B4GALT6: variants seen among roughly 807,000 people sequenced by gnomAD.
B4GALT6 encodes UDP-Gal:beta-GlcNAc beta-1,4-galactosyltransferase 6.
In B4GALT6, 14 loss-of-function variants were observed where a neutral mutation model predicts 46.3. The ratio of observed to expected loss-of-function variants is 0.30; its 90% confidence interval spans 0.20 to 0.47. B4GALT6 has a LOEUF of 0.47. Among genes scored for constraint, B4GALT6 ranks in the 20% least tolerant of loss-of-function variants. The pLI is 0.99. For missense variants in B4GALT6, 386 were observed against 480.1 expected (o/e 0.80, Z 1.83); for synonymous variants, 168 against 162.0 (o/e 1.04, Z -0.28).
chr18:31,675,169 C>T (rs1188066241), intron 1 of B4GALT6, among the ~76,000 whole-genome samples: 1 of 152,214 alleles, frequency 6.6e-6, no homozygotes, highest in African/African-American at 2.4e-5. Context: ...ACAATTTCCA[C>T]TCTGCAGTTT....
the B4GALT6 span, among the ~76,000 whole-genome samples, chr18:31,710,264 T>C: frequency 7.2e-5 from 11 of 152,084 alleles, no homozygotes; most frequent in African/African-American, 2.4e-4. Flanking sequence ...TGAATAACAA[T>C]GAAGCATAAA....
chr18:31,656,476 T>C (rs1480120250), intron 3 of B4GALT6, among the ~76,000 whole-genome samples: 1 of 151,988 alleles, frequency 6.6e-6, no homozygotes, highest in Non-Finnish European at 1.5e-5. Flanking sequence ...CAGTACAGTA[T>C]AGTGTTTTTT....
At chr18:31,709,434 C>T in the B4GALT6 span, among the ~76,000 whole-genome samples, 5 of 130,962 alleles carry the variant, frequency 3.8e-5, no homozygotes, top group East Asian at 2.2e-4. Flanking sequence ...GCAATTCATA[C>T]ATATATATAT....
At chr18:31,643,983 T>C (rs2073960998) in intron 4 of B4GALT6, among the ~76,000 whole-genome samples, 1 of 152,222 alleles carries the variant, frequency 6.6e-6, no homozygotes. Context: ...AAATAATTTA[T>C]GTGCCCAGGC....
chr18:31,685,644 G>C (rs1419889038), upstream of B4GALT6: 1 of 152,376 alleles, frequency 6.6e-6, no homozygotes, highest in South Asian at 2.0e-4. Context: ...GGGACCCCGC[G>C]GTGACCGCGC....
chr18:31,638,610 T>C (rs2073891992), intron 5 of B4GALT6, 34 bp downstream of exon 5: 3 of 1,446,018 alleles, frequency 2.1e-6, no homozygotes, highest in African/African-American at 2.8e-5. Flanking sequence ...TAGATTCTAG[T>C]ATACTTAGTG....
chr18:31,625,817 C>G, intron 8 of B4GALT6, 56 bp from the exon 9 acceptor site: 1 of 1,426,576 alleles, frequency 7.0e-7, no homozygotes, highest in Non-Finnish European at 9.4e-7. Flanking sequence ...AAAAGGAAAA[C>G]TGATAAGGAC....
At chr18:31,646,492 T>C (rs1955979045) in intron 3 of B4GALT6, among the ~76,000 whole-genome samples, 1 of 152,248 alleles carries the variant, frequency 6.6e-6, no homozygotes, top group Non-Finnish European at 1.5e-5. Flanking sequence ...TAAAAGGCTA[T>C]TGAAACTACA....
chr18:31,662,819 C>T (rs1253505007), intron 2 of B4GALT6, among the ~76,000 whole-genome samples: 3 of 151,714 alleles, frequency 2.0e-5, no homozygotes, highest in African/African-American at 4.8e-5. Flanking sequence ...TCAGCCTGGG[C>T]GACAGAGCGA....
At chr18:31,635,547 TA>T (rs1447317749) in intron 5 of B4GALT6, among the ~76,000 whole-genome samples, 3 of 150,938 alleles carry the variant, frequency 2.0e-5, no homozygotes, top group Non-Finnish European at 4.4e-5. Flanking sequence ...AAAGCAGAGG[TA>T]AAAAGCTGAG....
chr18:31,724,467 G>C, the B4GALT6 span: 1 of 1,014,390 alleles, frequency 9.9e-7, no homozygotes, highest in Non-Finnish European at 1.2e-6. Context: ...CCCCACCCCC[G>C]GGCAGACCCG....
At chr18:31,703,396 A>G in the B4GALT6 span, among the ~76,000 whole-genome samples, 1 of 152,210 alleles carries the variant, frequency 6.6e-6, no homozygotes, top group African/African-American at 2.4e-5. Context: ...CCTATCCTTC[A>G]GAAAAGCCAA....
At chr18:31,688,258 T>TACATATATATATATATATAC (rs151146927), upstream of B4GALT6, among the ~76,000 whole-genome samples, 8,979 of 148,520 alleles carry the variant, frequency 0.06, 523 homozygotes, top group African/African-American at 0.15. Flanking sequence ...TATATATATA[T>TACATATATATATATATATAC]ACATATATAT....
At chr18:31,655,725 G>A (rs911119845) in intron 3 of B4GALT6, among the ~76,000 whole-genome samples, 4 of 152,064 alleles carry the variant, frequency 2.6e-5, no homozygotes, top group African/African-American at 9.7e-5. Flanking sequence ...TGAAATTATT[G>A]TAATCAATAT....
chr18:31,631,130 A>G lies in B4GALT6; in HGVS notation c.605T>C (p.Phe202Ser). 1 of 1,613,670 alleles carries G rather than the reference A, an allele frequency of 6.2e-7. No homozygotes were observed. The highest frequency in any genetic ancestry group is 8.5e-7 in the Non-Finnish European group (1 of 1,179,712). The change falls in exon 6 of 9, where the codon TTT becomes TCT. Residue 202 changes from phenylalanine (F) to serine (S), a missense_variant. By Grantham distance (155) the Phe-to-Ser change is radical. This residue lies in a region of B4GALT6 where 323 missense variants were observed against 438.9 expected (regional missense o/e 0.74). Transcript: ENST00000306851. ...CACATTGAAAAGCATCGCACGGTTA[A>G]AAGGTTGTGTGCCAGTCTTCATGGA... is the stretch of plus-strand genomic sequence containing the variant. ...YVIEQTGTQPFNRAMLFNVGF... is the reference protein window; with the variant it reads ...YVIEQTGTQPSNRAMLFNVGF...
At chr18:31,631,643 A>C (rs2073793367) in intron 5 of B4GALT6, among the ~76,000 whole-genome samples, 1 of 152,182 alleles carries the variant, frequency 6.6e-6, no homozygotes, top group African/African-American at 2.4e-5. Flanking sequence ...AAATAATATA[A>C]GTTTTATTTT....
intron 3 of B4GALT6, among the ~76,000 whole-genome samples, chr18:31,654,213 A>C (rs924687548): frequency 6.6e-6 from 1 of 152,200 alleles, no homozygotes; most frequent in African/African-American, 2.4e-5. Flanking sequence ...AGGAAAACTA[A>C]AGGTAAGTCT....
At chr18:31,691,598 A>G in the B4GALT6 span, among the ~76,000 whole-genome samples, 6 of 151,926 alleles carry the variant, frequency 3.9e-5, no homozygotes, top group African/African-American at 9.7e-5. Context: ...TTTCTAGACC[A>G]TTTTCTATTC....
chr18:31,629,447 A>ATTTTTT (rs869030382), intron 6 of B4GALT6, among the ~76,000 whole-genome samples: 2 of 32,882 alleles, frequency 6.1e-5, no homozygotes, highest in Non-Finnish European at 1.2e-4. Context: ...GCCCTTTATG[A>ATTTTTT]TTTTTTTTTT....
Sources: allele counts gnomAD v4.1 joint callset (sites outside exome capture counted in the v4.1 genomes callset), GRCh38; gene constraint gnomAD v4.1.1; regional missense constraint gnomAD v4.1.1; transcripts MANE v1.5; gene names NCBI Gene and HGNC (gene_info 2026-07-23, HGNC 2026-07-21).